Variants in KMT2C observed in about 807,000 individuals in gnomAD.
The protein encoded by KMT2C is lysine methyltransferase 2C.
Under a neutral mutation model 507.9 loss-of-function variants are expected in KMT2C, and 88 were observed. The observed-to-expected ratio is 0.17, with a 90% CI of 0.15 to 0.21. The LOEUF (loss-of-function observed/expected upper bound fraction) is 0.21. KMT2C is among the 10% of genes least tolerant of loss of function. The probability of loss-of-function intolerance (pLI) is 1.00; values close to 1 mark genes in which losing one functional copy is unlikely to be tolerated. For missense variants in KMT2C, 4,954 were observed against 5,957.8 expected (o/e 0.83, Z 5.55); for synonymous variants, 2,049 against 2,080.8 (o/e 0.98, Z 0.42).
intron 42 of KMT2C, among the ~76,000 whole-genome samples, chr7:152,165,555 G>T (rs2092687472): frequency 6.6e-6 from 1 of 152,200 alleles, no homozygotes; most frequent in Admixed American, 6.5e-5. Flanking sequence ...TAAACAACTG[G>T]AATTATGATC....
intron 7 of KMT2C, among the ~76,000 whole-genome samples, chr7:152,267,788 A>G (rs1465775670): frequency 8.5e-5 from 13 of 152,210 alleles, no homozygotes; most frequent in African/African-American, 2.7e-4. Flanking sequence ...CTAAAAGAAA[A>G]TCAGAATTTT....
At position 152,162,664 on chromosome 7, in the gene KMT2C, G is replaced by C. The variant is rs1487587482; in HGVS notation, c.10913C>G (p.Ser3638Ter). The change falls in exon 43 of 59, where the codon TCA becomes TGA. Residue 3638 changes from serine to a stop codon, truncating the protein, a stop_gained. Transcript: ENST00000262189. LOFTEE classifies it high-confidence loss of function. ...CACTGCAGGAGTAGAGGTAGTTTCT[G>C]AGATGCCTGGAGTCGGTGGGGCAGT... Reference protein sequence around the residue: ...DITAPPTPGISETTSTPAVST... With the variant: ...DITAPPTPGI The C allele has an allele frequency of 6.2e-7, 1 of 1,614,230 alleles. No individual in the cohort carries two copies. Among genetic ancestry groups the C allele is most frequent in the Non-Finnish European group, 8.5e-7 (1 of 1,180,036 alleles).
chr7:152,183,255 A>T (rs946813839), intron 34 of KMT2C, 99 bp from the exon 35 acceptor site: 17 of 1,014,730 alleles, frequency 1.7e-5, no homozygotes, highest in Admixed American at 1.3e-4. Context: ...AAGAAAAAAA[A>T]GTCAGGTAAA....
At chr7:152,229,768 A>G (rs2095051633) in intron 18 of KMT2C, among the ~76,000 whole-genome samples, 155 bp downstream of exon 18, 1 of 152,212 alleles carries the variant, frequency 6.6e-6, no homozygotes, top group Non-Finnish European at 1.5e-5. Flanking sequence ...TTCTTGAGAT[A>G]GGAAACCCTT....
In KMT2C at chr7:152,179,995, A is replaced by G; in HGVS notation, c.7281T>C (p.Asn2427=). ...PGPLQHWQPE[N]VNQAFTRPPP... ...GGGGTCTGGTGAAAGCCTGGTTAACATTCTCTGGTTGCCAGTGTTGAAGAG... is the reference window on the plus strand; with the variant it reads ...GGGGTCTGGTGAAAGCCTGGTTAACGTTCTCTGGTTGCCAGTGTTGAAGAG... Residue 2427 remains asparagine, a synonymous_variant, in exon 37 of 59, where the codon AAT becomes AAC. Transcript: ENST00000262189. 1 of 1,614,124 alleles carries G rather than the reference A, an allele frequency of 6.2e-7. No homozygotes were observed. Among genetic ancestry groups the G allele is most frequent in the Non-Finnish European group, 8.5e-7 (1 of 1,180,020 alleles).
chr7:152,313,372 T>C (rs1472757337), intron 4 of KMT2C, among the ~76,000 whole-genome samples: 1 of 152,116 alleles, frequency 6.6e-6, no homozygotes, highest in Admixed American at 6.6e-5. Flanking sequence ...AATCAGGTCC[T>C]AACCAGCAGC....
Position 152,162,763 on chromosome 7 carries a change from T to C in KMT2C, c.10814A>G (p.Lys3605Arg), listed in dbSNP as rs1563200945. The C allele has an allele frequency of 4.3e-6, 7 of 1,614,110 alleles. No individual in the cohort carries two copies. Among genetic ancestry groups the C allele is most frequent in the Non-Finnish European group, 5.9e-6 (7 of 1,180,048 alleles). Residue 3605 changes from lysine to arginine, a missense_variant, in exon 43 of 59, where the codon AAA becomes AGA. Physicochemically the swap from Lys to Arg is conservative, Grantham distance 26. Around this residue, in one of 29 missense-constraint regions of KMT2C, gnomAD observed 801 missense variants for 751.2 expected, o/e 1.07. Transcript: ENST00000262189. ...ATCTCTTTTCTTCTTTCTTGTTCTT[T>C]TCTTTTTCCCTTTTTCCTCTGGGAT... ...DIIPEEKGKK[K>R]RTRKKKRDDD...
intron 1 of KMT2C, among the ~76,000 whole-genome samples, chr7:152,393,722 G>A (rs186824784): frequency 6.6e-6 from 1 of 152,004 alleles, no homozygotes; most frequent in Non-Finnish European, 1.5e-5. Context: ...GAGAAACCCT[G>A]TCTCTACTAA....
intron 18 of KMT2C, among the ~76,000 whole-genome samples, chr7:152,229,166 A>G (rs1034012231): frequency 6.6e-6 from 1 of 152,218 alleles, no homozygotes; most frequent in African/African-American, 2.4e-5. Flanking sequence ...TATTTATATT[A>G]CATGGTATGG....
intron 7 of KMT2C, among the ~76,000 whole-genome samples, chr7:152,271,402 A>G (rs2095966010): frequency 6.6e-6 from 1 of 152,040 alleles, no homozygotes; most frequent in African/African-American, 2.4e-5. Flanking sequence ...GCCGGGCACG[A>G]TGGCTCACAC....
chr7:152,255,137 A>ATT (rs2095635174), intron 9 of KMT2C, among the ~76,000 whole-genome samples: 1 of 127,692 alleles, frequency 7.8e-6, no homozygotes, highest in Non-Finnish European at 1.6e-5. Context: ...ATATATATAT[A>ATT]TATATATACA....
rs771564800 is a variant in KMT2C, at chr7:152,180,674, T to C, written c.7149+37A>G. 4 of 1,448,076 alleles carry C rather than the reference T, an allele frequency of 2.8e-6. 1 individual carries two copies. The South Asian group carries it at 3.9e-5, about 14-fold the overall frequency. 89.7% of individuals were successfully genotyped at this position (1,448,076 alleles called of 1,614,324 possible). ...TGATGAAATGAACAGCTTCCTCAAA[T>C]AATACATTTAAAACTGAGAACATAC... On this transcript the variant is annotated intron_variant, in intron 36 of 58. Coordinates refer to ENST00000262189, the MANE Select transcript of KMT2C (RefSeq NM_170606.3).
At position 152,154,114 on chromosome 7, in the gene KMT2C, C is replaced by T; in HGVS notation, c.12172G>A (p.Glu4058Lys). 6.2e-7 allele frequency: 1 copy of T among 1,614,068 alleles called. No homozygotes were observed. The highest frequency in any genetic ancestry group is 8.5e-7 in the Non-Finnish European group (1 of 1,179,994). The change falls in exon 48 of 59, where the codon GAG becomes AAG. Residue 4058 changes from glutamate (E) to lysine (K), a missense_variant. Glu to Lys is a moderately conservative substitution (Grantham distance 56, BLOSUM62 1). Around this residue, in one of 29 missense-constraint regions of KMT2C, gnomAD observed 417 missense variants for 461.1 expected, o/e 0.90. Coordinates refer to ENST00000262189, the MANE Select transcript of KMT2C (RefSeq NM_170606.3). ...SESRRNDIKT[E>K]PGTLYFASPF... ...GACGCAAAATATAAAGTGCCTGGCT[C>T]AGTTTTGATGTCATTCCTTCTTGAT...
intron 6 of KMT2C, among the ~76,000 whole-genome samples, chr7:152,277,112 C>A (rs1243215294): frequency 6.6e-6 from 1 of 152,046 alleles, no homozygotes; most frequent in Non-Finnish European, 1.5e-5. Flanking sequence ...TAAAAAAATA[C>A]CAAGAAGTTA....
intron 12 of KMT2C, 129 bp downstream of exon 12, chr7:152,250,724 T>A (rs1223798748): frequency 1.4e-5 from 8 of 571,196 alleles, no homozygotes; most frequent in Non-Finnish European, 2.5e-5. Flanking sequence ...TGTCTAAGAT[T>A]ATTTTACTAA....
At chr7:152,297,051 A>AAGAAAGAAAGAGAGAG (rs1356233143) in intron 6 of KMT2C, among the ~76,000 whole-genome samples, 2 of 60,240 alleles carry the variant, frequency 3.3e-5, no homozygotes, top group Non-Finnish European at 6.7e-5. Flanking sequence ...GAAAGAAAGA[A>AAGAAAGAAAGAGAGAG]AGACAGAGAG....
Position 152,177,521 on chromosome 7 carries a change from C to G in KMT2C, c.7932G>C (p.Met2644Ile), listed in dbSNP as rs1303234412. The stretch of plus-strand genomic sequence containing the variant: ...GTGGATGGTTCAGAGTCCTCATGAC[C>G]ATAGAAGATGAATGGACAGAATGAC... ...EQGHSVHSSS[M>I]VMRTLNHPLG... The change falls in exon 38 of 59, where the codon ATG (methionine) becomes ATC (isoleucine). Residue 2644 changes from methionine to isoleucine, a missense_variant. Met to Ile is a conservative substitution (Grantham distance 10, BLOSUM62 1). Around this residue, in one of 29 missense-constraint regions of KMT2C, gnomAD observed 1,689 missense variants for 1,654.3 expected, o/e 1.02. Transcript: ENST00000262189. 2 of 1,614,132 alleles carry G rather than the reference C, an allele frequency of 1.2e-6. No homozygotes were observed. The highest frequency in any genetic ancestry group is 4.5e-5 in the East Asian group (2 of 44,876).
intron 9 of KMT2C, among the ~76,000 whole-genome samples, chr7:152,261,607 C>T (rs1480083822): frequency 3.9e-5 from 6 of 152,116 alleles, no homozygotes; most frequent in South Asian, 2.1e-4. Flanking sequence ...TAAAGATATT[C>T]GGTAAGGTAT....
chr7:152,262,933 A>C lies in KMT2C; in HGVS notation c.1299+83T>G, dbSNP rs1038900727. 5.3e-6 allele frequency: 5 copies of C among 947,330 alleles called. No individual in the cohort carries two copies. The African/African-American group carries it at 8.4e-5, about 16-fold the overall frequency. 58.7% of individuals were successfully genotyped at this position (947,330 alleles called of 1,614,324 possible). ...TAAAAAGCTGATGGTGATGATGTAC[A>C]GATTTGAATAGGTATCCGATTTGTC... On this transcript the variant is annotated intron_variant, in intron 9 of 58. Coordinates refer to ENST00000262189, the MANE Select transcript of KMT2C (RefSeq NM_170606.3).
Sources: allele counts gnomAD v4.1 joint callset (sites outside exome capture counted in the v4.1 genomes callset), GRCh38; gene constraint gnomAD v4.1.1; regional missense constraint gnomAD v4.1.1; transcripts MANE v1.5; gene names NCBI Gene and HGNC (gene_info 2026-07-23, HGNC 2026-07-21).